The following ABHD18 variants were observed in gnomAD, a reference collection of about 807,000 sequenced individuals.
The protein encoded by ABHD18 is abhydrolase domain containing 18.
ABHD18 carries 55 observed loss-of-function variants against 65.9 expected under a neutral mutation model. The ratio of observed to expected loss-of-function variants is 0.84; its 90% CI spans 0.67 to 1.05. The LOEUF is 1.05. Among genes scored for constraint, ABHD18 ranks in the 50% least tolerant of loss-of-function variants. The pLI is 0.00. For missense variants in ABHD18, 533 were observed against 558.5 expected, an observed-to-expected ratio of 0.95 and a Z score of 0.46; for synonymous variants, 181 against 180.2, an observed-to-expected ratio of 1.00 and a Z score of -0.04.
At chr4:127,979,935 A>AG (rs397760320) in intron 1 of ABHD18, among the ~76,000 whole-genome samples, 3 of 151,282 alleles carry the variant, frequency 2.0e-5, no homozygotes, top group Non-Finnish European at 4.4e-5. Context: ...AAAAAAAAAA[A>AG]GACAATGGGA....
chr4:127,975,548 AC>A (rs2149049639), intron 1 of ABHD18, among the ~76,000 whole-genome samples: 1 of 152,266 alleles, frequency 6.6e-6, no homozygotes, highest in Admixed American at 6.5e-5. Flanking sequence ...GTATGTACAT[AC>A]TTTGCTTATC....
At chr4:127,997,142 A>T (rs896340772) in intron 4 of ABHD18, among the ~76,000 whole-genome samples, 4 of 152,256 alleles carry the variant, frequency 2.6e-5, no homozygotes, top group African/African-American at 9.6e-5. Context: ...CAGAGATTGC[A>T]GTAAAGGCAG....
At chr4:128,029,656 T>G (rs890177041) in intron 11 of ABHD18, among the ~76,000 whole-genome samples, 1 of 152,124 alleles carries the variant, frequency 6.6e-6, no homozygotes, top group Non-Finnish European at 1.5e-5. Flanking sequence ...AAACCTCATC[T>G]CTACCAAAAA....
chr4:128,025,741 A>G (rs886877756), intron 10 of ABHD18, among the ~76,000 whole-genome samples: 1 of 152,208 alleles, frequency 6.6e-6, no homozygotes, highest in Non-Finnish European at 1.5e-5. Context: ...GTCTTTCTTC[A>G]TAAGTTCTCA....
chr4:127,993,910 C>T (rs995921646), intron 4 of ABHD18, among the ~76,000 whole-genome samples: 1 of 152,082 alleles, frequency 6.6e-6, no homozygotes, highest in Non-Finnish European at 1.5e-5. Context: ...ATAAGATTTG[C>T]GCAGATTTTA....
At chr4:127,977,869 TAGC>T (rs1238652685) in intron 1 of ABHD18, among the ~76,000 whole-genome samples, 1 of 152,152 alleles carries the variant, frequency 6.6e-6, no homozygotes, top group Non-Finnish European at 1.5e-5. Flanking sequence ...AATTTATTAG[TAGC>T]AGAATTTGTG....
chr4:127,971,240 G>T (rs1488002997), intron 1 of ABHD18, among the ~76,000 whole-genome samples: 1 of 141,988 alleles, frequency 7.0e-6, no homozygotes, highest in Non-Finnish European at 1.5e-5. Context: ...GGGCAACAGA[G>T]CAAGACCCTG....
intron 7 of ABHD18, among the ~76,000 whole-genome samples, chr4:128,014,595 C>T (rs188030445): frequency 2.0e-3 from 304 of 152,130 alleles, no homozygotes; most frequent in Non-Finnish European, 3.8e-3. Context: ...ATAATAATGG[C>T]CCTATGTATT....
At chr4:128,034,934 G>C (rs1758713441) in intron 12 of ABHD18, among the ~76,000 whole-genome samples, 2 of 152,132 alleles carry the variant, frequency 1.3e-5, no homozygotes, top group Admixed American at 1.3e-4. Context: ...TTACAGGCTT[G>C]AGCCATCGCG....
intron 3 of ABHD18, among the ~76,000 whole-genome samples, chr4:127,988,472 T>G (rs1750369284): frequency 6.6e-6 from 1 of 152,206 alleles, no homozygotes; most frequent in African/African-American, 2.4e-5. Context: ...GCTCGAGAGA[T>G]CTGCCCACCT....
At chr4:128,011,130 G>A (rs79177432) in intron 6 of ABHD18, among the ~76,000 whole-genome samples, 4,386 of 151,532 alleles carry the variant, frequency 0.029, 197 homozygotes, top group African/African-American at 0.1. Context: ...TACTTTATTG[G>A]CTGAATTATG....
At position 128,030,693 on chromosome 4, in the gene ABHD18, A is replaced by G. The variant is rs778349219; in HGVS notation, c.1343+21A>G. 16 of 1,544,602 alleles carry G rather than the reference A, an allele frequency of 1.0e-5. No homozygotes were observed. The South Asian group carries it at 1.9e-4, about 18-fold the overall frequency. On this transcript the variant is annotated intron_variant, in intron 12 of 12. Transcript: ENST00000645843. ...TTCAGGTAAGACGGCTGGTCTAAACATGTATTCGTTCATTTGTTGTTTGTT... is the reference window on the plus strand; with the variant it reads ...TTCAGGTAAGACGGCTGGTCTAAACGTGTATTCGTTCATTTGTTGTTTGTT...
intron 3 of ABHD18, among the ~76,000 whole-genome samples, chr4:127,987,461 G>A (rs1429071557): frequency 6.6e-6 from 1 of 151,924 alleles, no homozygotes; most frequent in Admixed American, 6.6e-5. Context: ...TGTAATCCCA[G>A]CACTTTGGGA....
chr4:127,982,539 T>C (rs902051203), intron 1 of ABHD18, among the ~76,000 whole-genome samples: 1 of 152,160 alleles, frequency 6.6e-6, no homozygotes, highest in Non-Finnish European at 1.5e-5. Flanking sequence ...GTAATTGGGA[T>C]AATAAATCCT....
At chr4:128,001,140 C>T (rs1450709106) in intron 4 of ABHD18, among the ~76,000 whole-genome samples, 8 of 151,960 alleles carry the variant, frequency 5.3e-5, no homozygotes, top group Admixed American at 4.6e-4. Context: ...CTTTCTGTTG[C>T]CTGATTGTTC....
chr4:127,966,874 GA>G, intron 1 of ABHD18, among the ~76,000 whole-genome samples: 1 of 144,490 alleles, frequency 6.9e-6, no homozygotes, highest in South Asian at 2.2e-4. Flanking sequence ...AACAGAGTGA[GA>G]TTCTGTCTCA....
chr4:127,969,749 AT>A (rs200187541), intron 1 of ABHD18, among the ~76,000 whole-genome samples: 317 of 141,692 alleles, frequency 2.2e-3, no homozygotes, highest in Non-Finnish European at 2.3e-3. Context: ...AGGTGTTGGA[AT>A]TTTTTTTTTT....
intron 4 of ABHD18, among the ~76,000 whole-genome samples, chr4:127,996,248 C>G (rs923523814): frequency 6.6e-6 from 1 of 152,106 alleles, no homozygotes; most frequent in Non-Finnish European, 1.5e-5. Context: ...TCACTTTTAT[C>G]GGGGGAACCA....
At chr4:128,026,988 G>T (rs539035518) in intron 10 of ABHD18, among the ~76,000 whole-genome samples, 2 of 152,006 alleles carry the variant, frequency 1.3e-5, no homozygotes, top group East Asian at 3.9e-4. Context: ...CACCATGTTG[G>T]CCAGGCTAGT....
Sources: gnomAD v4.1 joint callset for allele counts (sites outside exome capture counted in the v4.1 genomes callset) on GRCh38, gnomAD v4.1.1 for gene constraint, MANE v1.5 for transcripts, NCBI Gene and HGNC (gene_info 2026-07-23, HGNC 2026-07-21) for gene names.